Variants in TANC2 observed in about 807,000 individuals in gnomAD.
The protein encoded by TANC2 is protein TANC2.
A neutral mutation model predicts 210.5 loss-of-function variants in TANC2; 26 were observed. The ratio of observed to expected loss-of-function variants is 0.12; its 90% confidence interval spans 0.09 to 0.17. TANC2 has a LOEUF of 0.17. Among genes scored for constraint, TANC2 ranks in the 10% least tolerant of loss-of-function variants. The pLI is 1.00. For missense variants in TANC2, 2,129 were observed against 2,608.9 expected (o/e 0.82, Z 4.01); for synonymous variants, 931 against 967.1 (o/e 0.96, Z 0.69).
intron 9 of TANC2, among the ~76,000 whole-genome samples, chr17:63,271,820 C>G (rs2043719353): frequency 9.1e-6 from 1 of 110,390 alleles, no homozygotes; most frequent in Non-Finnish European, 2.3e-5. Context: ...AATTTCTTAA[C>G]TTAAAGTTCC....
intron 8 of TANC2, among the ~76,000 whole-genome samples, chr17:63,267,218 A>T (rs1011258079): frequency 6.6e-6 from 1 of 152,098 alleles, no homozygotes; most frequent in Non-Finnish European, 1.5e-5. Flanking sequence ...TGTAAAATGA[A>T]TTTTTTCTTT....
chr17:63,006,065 T>C (rs1363945877), intron 1 of TANC2, among the ~76,000 whole-genome samples: 1 of 152,060 alleles, frequency 6.6e-6, no homozygotes, highest in Non-Finnish European at 1.5e-5. Context: ...TATTAAATGT[T>C]AAATTTGGTA....
At chr17:63,362,407 C>A (rs1438224771) in intron 14 of TANC2, among the ~76,000 whole-genome samples, 1 of 152,222 alleles carries the variant, frequency 6.6e-6, no homozygotes, top group Non-Finnish European at 1.5e-5. Context: ...CAGGCCGTTT[C>A]TGGCCTGAAG....
At chr17:63,367,381 C>T (rs2047141814) in intron 14 of TANC2, among the ~76,000 whole-genome samples, 1 of 152,162 alleles carries the variant, frequency 6.6e-6, no homozygotes, top group East Asian at 1.9e-4. Flanking sequence ...TACACTTTCT[C>T]AAAACATGAT....
chr17:63,006,267 A>AT (rs1366849003), intron 1 of TANC2, among the ~76,000 whole-genome samples: 1 of 150,648 alleles, frequency 6.6e-6, no homozygotes, highest in African/African-American at 2.4e-5. Context: ...TATTTCATTC[A>AT]TTTTTTTCTT....
At chr17:63,089,073 C>G (rs2037084135) in intron 3 of TANC2, 1 of 152,152 alleles carries the variant, frequency 6.6e-6, no homozygotes, top group Admixed American at 6.5e-5. Flanking sequence ...CTCATGTCTG[C>G]TATTACTACT....
In TANC2 at chr17:63,421,372, C is replaced by A. The variant is rs747393102; in HGVS notation, c.5642C>A (p.Pro1881Gln). 1.2e-6 allele frequency: 2 copies of A among 1,613,996 alleles called. No individual in the cohort carries two copies. The highest frequency in any genetic ancestry group is 2.2e-5 in the East Asian group (1 of 44,890). The stretch of plus-strand genomic sequence containing the variant: ...ATCTCCTCCACCTCCAACCTAACTC[C>A]GACCTTCCGGCCATCTTCTTCCATC... Residue 1881 changes from proline (P) to glutamine (Q), a missense_variant, in exon 28 of 28, where the codon CCG becomes CAG. Physicochemically the swap from Pro to Gln is moderately conservative, Grantham distance 76 (BLOSUM62 -1). Coordinates refer to ENST00000689528, the Ensembl canonical transcript of TANC2. This position sits in a 1 kb window ranked among gnomAD's most constrained non-coding sequence, Gnocchi z 6.9.
At chr17:62,974,536 C>T (rs1568287717) in intron 1 of TANC2, among the ~76,000 whole-genome samples, 1 of 152,082 alleles carries the variant, frequency 6.6e-6, no homozygotes, top group East Asian at 1.9e-4. Context: ...AGTGTATTAA[C>T]ATATTCATTC....
At chr17:63,289,808 T>A (rs2146410035) in intron 9 of TANC2, among the ~76,000 whole-genome samples, 1 of 152,314 alleles carries the variant, frequency 6.6e-6, no homozygotes, top group East Asian at 1.9e-4. Context: ...AGTGGGCCTT[T>A]ATTATTAATC....
At chr17:63,139,452 C>T (rs2039208105) in intron 4 of TANC2, among the ~76,000 whole-genome samples, 1 of 152,100 alleles carries the variant, frequency 6.6e-6, no homozygotes, top group Non-Finnish European at 1.5e-5. Context: ...ATGACAAAAC[C>T]TCATCTCTAC....
intron 14 of TANC2, among the ~76,000 whole-genome samples, chr17:63,364,102 A>G (rs10491168): frequency 0.16 from 24,918 of 152,174 alleles, 2,643 homozygotes; most frequent in Non-Finnish European, 0.24. Flanking sequence ...ATCAAGAGTA[A>G]ATCTGAGACT....
intron 3 of TANC2, among the ~76,000 whole-genome samples, chr17:63,095,288 A>G (rs1238237060): frequency 6.6e-6 from 1 of 151,804 alleles, no homozygotes; most frequent in Non-Finnish European, 1.5e-5. Flanking sequence ...TGATCCTCCT[A>G]CTTCAGCCTT....
chr17:63,421,075 C>A lies in TANC2; in HGVS notation c.5345C>A (p.Pro1782Gln). Residue 1782 changes from proline to glutamine, a missense_variant, in exon 28 of 28, where the codon CCA (proline) becomes CAA (glutamine). Pro to Gln is a moderately conservative substitution (Grantham distance 76). Around this residue, in one of 5 missense-constraint regions of TANC2, gnomAD observed 584 missense variants for 627.3 expected, o/e 0.93. Transcript: ENST00000689528. The surrounding 1 kb of genome is among the most constrained non-coding windows in gnomAD (Gnocchi z 6.9). Reference sequence around the variant, plus strand: ...GGAGGATTGACCAAAGAGGATCTTCCACAGCGACCTTCCTCAGCATACCGA... The same window carrying A: ...GGAGGATTGACCAAAGAGGATCTTCAACAGCGACCTTCCTCAGCATACCGA... 1 of 1,613,994 alleles carries A rather than the reference C, an allele frequency of 6.2e-7. No individual in the cohort carries two copies. The highest frequency in any genetic ancestry group is 8.5e-7 in the Non-Finnish European group (1 of 1,179,888).
chr17:63,407,647 A>G (rs747794850), intron 21 of TANC2, among the ~76,000 whole-genome samples: 4 of 152,242 alleles, frequency 2.6e-5, no homozygotes, highest in African/African-American at 4.8e-5. Flanking sequence ...ACTAGGAACT[A>G]TGAGTGGTTC....
chr17:63,124,878 T>A (rs1210118652), intron 4 of TANC2, among the ~76,000 whole-genome samples: 1 of 152,178 alleles, frequency 6.6e-6, no homozygotes, highest in Non-Finnish European at 1.5e-5. Flanking sequence ...CTCTAACGCC[T>A]GATGATCTGA....
rs148792010 is a variant in TANC2 at position 63,123,036 on chromosome 17, A to G, written c.322+23679A>G. ...TGACGAAGCCATTAGGGCAGTGATA[A>G]CCTAACATGGTAGCCATGGAAAATG... On this transcript the variant is annotated intron_variant, in intron 4 of 27. Coordinates refer to ENST00000689528, the Ensembl canonical transcript of TANC2. Among the ~76,000 whole-genome samples the G allele has an allele frequency of 6.0e-3, 913 of 152,316 alleles. 11 individuals are homozygous for G. The highest frequency in any genetic ancestry group is 0.021 in the African/African-American group (877 of 41,558).
At chr17:62,987,078 G>A (rs1360142440) in intron 1 of TANC2, among the ~76,000 whole-genome samples, 1 of 152,170 alleles carries the variant, frequency 6.6e-6, no homozygotes, top group Non-Finnish European at 1.5e-5. Context: ...AGACTTGAGG[G>A]CCTCTCCCGC....
chr17:63,122,190 T>G (rs1004232458), intron 4 of TANC2, among the ~76,000 whole-genome samples: 3 of 152,160 alleles, frequency 2.0e-5, no homozygotes, highest in Non-Finnish European at 4.4e-5. Flanking sequence ...GAGAAACGGT[T>G]TAGCATTTTA....
chr17:63,245,797 C>A (rs557487826), intron 8 of TANC2, among the ~76,000 whole-genome samples: 1 of 148,688 alleles, frequency 6.7e-6, no homozygotes, highest in South Asian at 2.1e-4. Context: ...GAGCTGAGAT[C>A]GTGCCACTGC....
Sources: allele counts gnomAD v4.1 joint callset (sites outside exome capture counted in the v4.1 genomes callset), GRCh38; gene constraint gnomAD v4.1.1; regional missense constraint gnomAD v4.1.1; non-coding constraint Gnocchi (gnomAD v3.1); transcripts MANE v1.5; gene names NCBI Gene and HGNC (gene_info 2026-07-23, HGNC 2026-07-21).